OSBPL3: variants seen among roughly 807,000 people sequenced by gnomAD.
OSBPL3 encodes oxysterol-binding protein-related protein 3.
A neutral mutation model predicts 120.1 loss-of-function variants in OSBPL3; 65 were observed. The ratio of observed to expected loss-of-function variants is 0.54; its 90% confidence interval spans 0.44 to 0.67. The LOEUF (loss-of-function observed/expected upper bound fraction) is 0.67. Among genes scored for constraint, OSBPL3 ranks in the 30% least tolerant of loss-of-function variants. OSBPL3 has a pLI of 0.00. For missense variants in OSBPL3, 1,004 were observed against 1,082.1 expected (o/e 0.93, Z 1.01); for synonymous variants, 416 against 402.6 (o/e 1.03, Z -0.40).
At position 24,966,770 on chromosome 7, in the gene OSBPL3, T is replaced by C. The variant is rs1485155074; in HGVS notation, c.-150+13116A>G. On this transcript the variant is annotated intron_variant, in intron 1 of 22. Transcript: ENST00000313367. The surrounding 1 kb of genome is among the most constrained non-coding windows in gnomAD (Gnocchi z 4.8). ...TATGTTTATAAGGTAAAAGAACTGC[T>C]AGTACAAACACAACGCCTCTCTAAA... Among the ~76,000 whole-genome samples the C allele has an allele frequency of 6.6e-6, 1 of 152,224 alleles. No homozygotes were observed. Among genetic ancestry groups the C allele is most frequent in the Non-Finnish European group, 1.5e-5 (1 of 68,038 alleles).
Position 24,820,241 on chromosome 7 carries a change from G to C in OSBPL3, c.1885-3C>G. 6.2e-7 allele frequency: 1 copy of C among 1,609,944 alleles called. No individual in the cohort carries two copies. Among genetic ancestry groups the C allele is most frequent in the Non-Finnish European group, 8.5e-7 (1 of 1,177,262 alleles). Reference sequence around the variant, plus strand: ...GAGATAGGCGGATGGTGGCTGACCTGATGGAAACAAAGGACAGAAAAACAA... The same window carrying C: ...GAGATAGGCGGATGGTGGCTGACCTCATGGAAACAAAGGACAGAAAAACAA... On this transcript the variant is annotated splice_region_variant and splice_polypyrimidine_tract_variant and intron_variant, in intron 16 of 22. Transcript: ENST00000313367. The surrounding 1 kb of genome is among the most constrained non-coding windows in gnomAD (Gnocchi z 4.6).
At chr7:24,948,286 A>C (rs1813977666) in intron 1 of OSBPL3, among the ~76,000 whole-genome samples, 2 of 152,266 alleles carry the variant, frequency 1.3e-5, no homozygotes, top group African/African-American at 4.8e-5. Context: ...CAGAGGAAAT[A>C]GCTGAAGTAC....
At chr7:24,832,923 T>C (rs1334002238) in intron 15 of OSBPL3, among the ~76,000 whole-genome samples, 3 of 152,172 alleles carry the variant, frequency 2.0e-5, no homozygotes, top group Non-Finnish European at 2.9e-5. Flanking sequence ...TCCTCAAACC[T>C]CTGCTCAAGG....
rs1192394769 is a variant in OSBPL3, at chr7:24,805,578, C to A, written c.2445-1141G>T. 6.6e-6 allele frequency among the ~76,000 whole-genome samples: 1 copy of A among 152,080 alleles called. No individual in the cohort carries two copies. The highest frequency in any genetic ancestry group is 2.4e-5 in the African/African-American group (1 of 41,412). ...AAACACAATTGTAACAGACTTTATA[C>A]AAAAAATACTTCCCTAAAAAAGTAG... On this transcript the variant is annotated intron_variant, in intron 21 of 22. Coordinates refer to ENST00000313367, the MANE Select transcript of OSBPL3 (RefSeq NM_015550.4). The surrounding 1 kb of genome is among the most constrained non-coding windows in gnomAD (Gnocchi z 4.0).
Position 24,796,850 on chromosome 7 carries a change from A to T in OSBPL3, c.*3333T>A, listed in dbSNP as rs1791773316. 1 of 152,262 alleles carries T rather than the reference A, an allele frequency of 6.6e-6. No individual in the cohort carries two copies. The highest frequency in any genetic ancestry group is 1.5e-5 in the Non-Finnish European group (1 of 68,044). The allele number at this position is 152,262 out of a possible 1,614,324, so 9.4% of individuals were successfully genotyped here. A position where few individuals can be genotyped will look rare whatever the true frequency, so the allele number is the denominator to read the frequency against. On this transcript the variant is annotated 3_prime_UTR_variant, in exon 23 of 23. Coordinates refer to ENST00000313367, the MANE Select transcript of OSBPL3 (RefSeq NM_015550.4). This position sits in a 1 kb window ranked among gnomAD's most constrained non-coding sequence, Gnocchi z 5.2. ...GCAGGTTTCCAACACAGAAAAATGA[A>T]GACTAACACTGAGTAACAGATTAGT...
intron 14 of OSBPL3, among the ~76,000 whole-genome samples, chr7:24,839,064 G>A (rs899555883): frequency 2.0e-5 from 3 of 152,114 alleles, no homozygotes; most frequent in African/African-American, 7.2e-5. Flanking sequence ...CCCCCAAAAG[G>A]TGGCTCTTAA....
intron 2 of OSBPL3, among the ~76,000 whole-genome samples, chr7:24,875,283 C>G (rs1475807367): frequency 6.6e-6 from 1 of 152,124 alleles, no homozygotes; most frequent in Non-Finnish European, 1.5e-5. Context: ...CCAAGTGTCT[C>G]CTACTATTTT....
At position 24,804,044 on chromosome 7, in the gene OSBPL3, C is replaced by A. The variant is rs1452548888; in HGVS notation, c.2567+271G>T. On this transcript the variant is annotated intron_variant, in intron 22 of 22. Transcript: ENST00000313367. The surrounding 1 kb of genome is among the most constrained non-coding windows in gnomAD (Gnocchi z 5.4). ...GGCAGGCTCCCTGACTGAGGAGCTC[C>A]TCTGCAAACTCACTGGCTGAGGGCA... 3.3e-5 allele frequency among the ~76,000 whole-genome samples: 5 copies of A among 152,156 alleles called. No homozygotes were observed. In the East Asian group the frequency reaches 9.6e-4, roughly 29 times the overall value.
At position 24,824,935 on chromosome 7, in the gene OSBPL3, T is replaced by C. The variant is rs1052083687; in HGVS notation, c.1885-4697A>G. Among the ~76,000 whole-genome samples, 2 of 152,118 alleles carry C rather than the reference T, an allele frequency of 1.3e-5. No individual in the cohort carries two copies. The highest frequency in any genetic ancestry group is 2.4e-5 in the African/African-American group (1 of 41,394). ...AGGCAGGGGACACAGCAAAGGCCAA[T>C]GGCTGGAAAATGCTTGGTATGAAGC... is the stretch of plus-strand genomic sequence containing the variant. On this transcript the variant is annotated intron_variant, in intron 16 of 22. Transcript: ENST00000313367. This position sits in a 1 kb window ranked among gnomAD's most constrained non-coding sequence, Gnocchi z 4.9.
At chr7:24,880,454 T>C (rs1422773217) in intron 2 of OSBPL3, among the ~76,000 whole-genome samples, 1 of 152,156 alleles carries the variant, frequency 6.6e-6, no homozygotes, top group African/African-American at 2.4e-5. Flanking sequence ...AGTCTGTCTT[T>C]TGTTCCAGGG....
At chr7:24,942,485 G>A (rs1401958334) in intron 1 of OSBPL3, among the ~76,000 whole-genome samples, 1 of 151,982 alleles carries the variant, frequency 6.6e-6, no homozygotes, top group African/African-American at 2.4e-5. Flanking sequence ...TGCATTCCAC[G>A]CTGATCACCA....
chr7:24,846,188 G>A (rs1562816345), intron 12 of OSBPL3, among the ~76,000 whole-genome samples: 1 of 152,098 alleles, frequency 6.6e-6, no homozygotes, highest in East Asian at 1.9e-4. Flanking sequence ...TTTAACTGCT[G>A]GAGCTTGAAT....
chr7:24,934,588 G>A lies in OSBPL3; in HGVS notation c.-149-41967C>T, dbSNP rs137925101. On this transcript the variant is annotated intron_variant, in intron 1 of 22. Transcript: ENST00000313367. Reference sequence around the variant, plus strand: ...CATGCAAGCTGATCTTCTCAAAATCGGATTAGAAATCAGGATGAACCATAT... The same window carrying A: ...CATGCAAGCTGATCTTCTCAAAATCAGATTAGAAATCAGGATGAACCATAT... 9.2e-5 allele frequency among the ~76,000 whole-genome samples: 14 copies of A among 152,190 alleles called. No individual in the cohort carries two copies. The East Asian group carries it at 2.1e-3, about 23-fold the overall frequency.
chr7:24,843,867 C>T (rs1258721019), intron 12 of OSBPL3, among the ~76,000 whole-genome samples: 1 of 152,200 alleles, frequency 6.6e-6, no homozygotes, highest in Non-Finnish European at 1.5e-5. Flanking sequence ...GGAATAGCTT[C>T]AACACTCACT....
chr7:24,962,882 T>C (rs1176153441), intron 1 of OSBPL3, among the ~76,000 whole-genome samples: 1 of 152,230 alleles, frequency 6.6e-6, no homozygotes, highest in Non-Finnish European at 1.5e-5. Flanking sequence ...AGCACCATTG[T>C]TGAATTCTTT....
In OSBPL3 at chr7:24,952,605, A is replaced by G. The variant is rs991599552; in HGVS notation, c.-150+27281T>C. Among the ~76,000 whole-genome samples, 1 of 152,240 alleles carries G rather than the reference A, an allele frequency of 6.6e-6. No homozygotes were observed. Among genetic ancestry groups the G allele is most frequent in the Non-Finnish European group, 1.5e-5 (1 of 68,038 alleles). ...GACTAGGTACTCAAATTTATCATGT[A>G]TCTCAATACGGTTCATGCCAGGCAT... On this transcript the variant is annotated intron_variant, in intron 1 of 22. Transcript: ENST00000313367. This position sits in a 1 kb window ranked among gnomAD's most constrained non-coding sequence, Gnocchi z 4.4.
chr7:24,882,517 T>C (rs1803854363), intron 2 of OSBPL3, among the ~76,000 whole-genome samples: 1 of 152,252 alleles, frequency 6.6e-6, no homozygotes, highest in Admixed American at 6.5e-5. Flanking sequence ...AACAGGTTAA[T>C]TTTATATCTC....
chr7:24,850,141 A>T (rs548295666), intron 11 of OSBPL3, among the ~76,000 whole-genome samples: 82 of 152,158 alleles, frequency 5.4e-4, no homozygotes, highest in Non-Finnish European at 1.1e-3. Flanking sequence ...GGCTCTGGGA[A>T]TGGGTAAATG....
intron 2 of OSBPL3, among the ~76,000 whole-genome samples, chr7:24,874,087 G>A (rs990836173): frequency 5.3e-5 from 8 of 152,176 alleles, no homozygotes; most frequent in African/African-American, 1.9e-4. Flanking sequence ...CATCTGATTG[G>A]CAAATGAATA....
Sources: gnomAD v4.1 joint callset for allele counts (sites outside exome capture counted in the v4.1 genomes callset) on GRCh38, gnomAD v4.1.1 for gene constraint, Gnocchi (gnomAD v3.1) non-coding constraint, MANE v1.5 for transcripts, NCBI Gene and HGNC (gene_info 2026-07-23, HGNC 2026-07-21) for gene names.